The following FBXO8 variants were observed in gnomAD, a reference collection of about 807,000 sequenced individuals.
The protein encoded by FBXO8 is F-box protein 8.
Under a neutral mutation model 33.4 loss-of-function variants are expected in FBXO8, and 15 were observed. That is an observed-to-expected ratio of 0.45 (90% CI 0.30 to 0.69). FBXO8 has a LOEUF of 0.69. Among genes scored for constraint, FBXO8 ranks in the 30% least tolerant of loss-of-function variants. FBXO8 has a pLI of 0.08. For missense variants in FBXO8, 274 were observed against 380.3 expected (o/e 0.72, Z 2.32); for synonymous variants, 132 against 131.5 (o/e 1.00, Z -0.02).
rs192059562 is a variant in FBXO8, at chr4:174,272,521, C to T, written c.-8-9421G>A. 3.3e-5 allele frequency among the ~76,000 whole-genome samples: 5 copies of T among 151,746 alleles called. No individual in the cohort carries two copies. In the East Asian group the frequency reaches 9.7e-4, roughly 30 times the overall value. The stretch of plus-strand genomic sequence containing the variant: ...AATACTGAGGACCAACTGTATAATC[C>T]ATTACATAAAAAAAGAATCTGTGAG... On this transcript the variant is annotated intron_variant, in intron 1 of 5. Coordinates refer to ENST00000393674, the MANE Select transcript of FBXO8 (RefSeq NM_012180.3). This position sits in a 1 kb window ranked among gnomAD's most constrained non-coding sequence, Gnocchi z 4.7.
Position 174,267,562 on chromosome 4 carries a change from T to C in FBXO8, c.-8-4462A>G, listed in dbSNP as rs1261229278. Among the ~76,000 whole-genome samples, 3 of 151,898 alleles carry C rather than the reference T, an allele frequency of 2.0e-5. No homozygotes were observed. Among genetic ancestry groups the C allele is most frequent in the African/African-American group, 7.3e-5 (3 of 41,358 alleles). On this transcript the variant is annotated intron_variant, in intron 1 of 5. Coordinates refer to ENST00000393674, the MANE Select transcript of FBXO8 (RefSeq NM_012180.3). The surrounding 1 kb of genome is among the most constrained non-coding windows in gnomAD (Gnocchi z 4.7). ...ACCTTGCCTCTAAAAAAAATTAAAA[T>C]TAAAAATTAAAAGAAAATAAACTGT...
intron 1 of FBXO8, among the ~76,000 whole-genome samples, chr4:174,279,431 C>T (rs1476268377): frequency 6.6e-6 from 1 of 152,000 alleles, no homozygotes; most frequent in African/African-American, 2.4e-5. Context: ...CAATACCACC[C>T]AAAGTGATCT....
chr4:174,282,077 A>T (rs1737108258), intron 1 of FBXO8, among the ~76,000 whole-genome samples: 1 of 152,218 alleles, frequency 6.6e-6, no homozygotes, highest in African/African-American at 2.4e-5. Context: ...AATCTGAATG[A>T]CTAATTTCAA....
intron 1 of FBXO8, among the ~76,000 whole-genome samples, chr4:174,279,080 G>C (rs1456329660): frequency 1.3e-5 from 2 of 151,736 alleles, no homozygotes; most frequent in East Asian, 3.9e-4. Context: ...AAAAGTAAAA[G>C]ACAACCAAAT....
At position 174,275,112 on chromosome 4, in the gene FBXO8, A is replaced by C. The variant is rs893849867; in HGVS notation, c.-9+8298T>G. 3.9e-5 allele frequency among the ~76,000 whole-genome samples: 6 copies of C among 152,230 alleles called. No homozygotes were observed. Among genetic ancestry groups the C allele is most frequent in the African/African-American group, 1.2e-4 (5 of 41,466 alleles). On this transcript the variant is annotated intron_variant, in intron 1 of 5. Coordinates refer to ENST00000393674, the MANE Select transcript of FBXO8 (RefSeq NM_012180.3). This position sits in a 1 kb window ranked among gnomAD's most constrained non-coding sequence, Gnocchi z 4.4. Reference sequence around the variant, plus strand: ...AAACAATAGTAAACAAAAACCAAACAATCCAATATAAAAATGGGCAAAAGA... The same window carrying C: ...AAACAATAGTAAACAAAAACCAAACCATCCAATATAAAAATGGGCAAAAGA...
At position 174,261,600 on chromosome 4, in the gene FBXO8, ACTC is replaced by A. The variant is rs1464339981; in HGVS notation, c.329+1161_329+1163del. Reference sequence around the variant, plus strand: ...AAAATTAATAACATTTATTTTAAAGACTCCTCATTAACAGAATTTCCTCTCACG... The same window carrying A: ...AAAATTAATAACATTTATTTTAAAGACTCATTAACAGAATTTCCTCTCACG... On this transcript the variant is annotated intron_variant, in intron 2 of 5. Coordinates refer to ENST00000393674, the MANE Select transcript of FBXO8 (RefSeq NM_012180.3). This position sits in a 1 kb window ranked among gnomAD's most constrained non-coding sequence, Gnocchi z 4.1. Among the ~76,000 whole-genome samples, 1 of 151,908 alleles carries A rather than the reference ACTC, an allele frequency of 6.6e-6. No individual in the cohort carries two copies. Among genetic ancestry groups the A allele is most frequent in the Non-Finnish European group, 1.5e-5 (1 of 67,854 alleles).
At chr4:174,249,193 T>C (rs548952000) in intron 3 of FBXO8, among the ~76,000 whole-genome samples, 3 of 152,168 alleles carry the variant, frequency 2.0e-5, no homozygotes, top group South Asian at 4.1e-4. Flanking sequence ...TCCTAAATAA[T>C]AAATTACTAC....
rs1328028192 is a variant in FBXO8, at chr4:174,261,147, CAATA to C, written c.330-1326_330-1323del. Reference sequence around the variant, plus strand: ...TATAAAAAATTGTTTAGAATATTATCAATATTTTTTCAGTCTTATTAATCTAGTC... The same window carrying C: ...TATAAAAAATTGTTTAGAATATTATCTTTTTTCAGTCTTATTAATCTAGTC... On this transcript the variant is annotated intron_variant, in intron 2 of 5. Coordinates refer to ENST00000393674, the MANE Select transcript of FBXO8 (RefSeq NM_012180.3). The surrounding 1 kb of genome is among the most constrained non-coding windows in gnomAD (Gnocchi z 4.1). Among the ~76,000 whole-genome samples, 2 of 151,810 alleles carry C rather than the reference CAATA, an allele frequency of 1.3e-5. No homozygotes were observed. Among genetic ancestry groups the C allele is most frequent in the Non-Finnish European group, 1.5e-5 (1 of 67,802 alleles).
intron 4 of FBXO8, among the ~76,000 whole-genome samples, chr4:174,240,136 C>CA (rs543054382): frequency 0.017 from 825 of 49,320 alleles, 3 homozygotes; most frequent in African/African-American, 0.043. Flanking sequence ...AAAATATTTA[C>CA]AAAAAAAAAA....
chr4:174,273,352 A>G (rs1736883126), intron 1 of FBXO8, among the ~76,000 whole-genome samples: 1 of 135,252 alleles, frequency 7.4e-6, no homozygotes, highest in Non-Finnish European at 1.7e-5. Context: ...AGAAAAGAAA[A>G]AAGGTGGAAG....
In FBXO8 at chr4:174,237,560, G is replaced by A. The variant is rs1262454749; in HGVS notation, c.812C>T (p.Ser271Phe). The A allele has an allele frequency of 1.9e-6, 3 of 1,613,470 alleles. No individual in the cohort carries two copies. The highest frequency in any genetic ancestry group is 1.7e-5 in the Admixed American group (1 of 59,962). Residue 271 changes from serine (S) to phenylalanine (F), a missense_variant, in exon 6 of 6, where the codon TCC (serine) becomes TTC (phenylalanine). Physicochemically the swap from Ser to Phe is radical, Grantham distance 155 (BLOSUM62 -2). Coordinates refer to ENST00000393674, the MANE Select transcript of FBXO8 (RefSeq NM_012180.3). This position sits in a 1 kb window ranked among gnomAD's most constrained non-coding sequence, Gnocchi z 4.4. The stretch of plus-strand genomic sequence containing the variant: ...CACATGAGGGCTAGTGAGGTCAATG[G>A]AAAGTAGAATCAAAGAGTAGCACAG... ...YVLCYSLILL[S>F]IDLTSPHVKN...
rs544093057 is a variant in FBXO8 at position 174,257,004 on chromosome 4, A to T, written c.456+2695T>A. Among the ~76,000 whole-genome samples, 22 of 152,280 alleles carry T rather than the reference A, an allele frequency of 1.4e-4. No homozygotes were observed. The highest frequency in any genetic ancestry group is 5.3e-4 in the African/African-American group (22 of 41,574). ...CTGAAGATCTAAAAATCTTATTTTAATTAATAACTTAAATCCCCTCCCTTA... is the reference window on the plus strand; with the variant it reads ...CTGAAGATCTAAAAATCTTATTTTATTTAATAACTTAAATCCCCTCCCTTA... On this transcript the variant is annotated intron_variant, in intron 3 of 5. Coordinates refer to ENST00000393674, the MANE Select transcript of FBXO8 (RefSeq NM_012180.3). This position sits in a 1 kb window ranked among gnomAD's most constrained non-coding sequence, Gnocchi z 4.3.
rs540229325 is a variant in FBXO8, at chr4:174,263,375, G to A, written c.-8-275C>T. On this transcript the variant is annotated intron_variant, in intron 1 of 5. Transcript: ENST00000393674. The surrounding 1 kb of genome is among the most constrained non-coding windows in gnomAD (Gnocchi z 4.2). ...CATATGTGACATAATCATTTTTCAC[G>A]TGGTAAGATTTAAAAGTTACTGATG... 2.0e-4 allele frequency among the ~76,000 whole-genome samples: 31 copies of A among 152,130 alleles called. No homozygotes were observed. Among genetic ancestry groups the A allele is most frequent in the Admixed American group, 1.2e-3 (18 of 15,274 alleles).
Position 174,264,558 on chromosome 4 carries a change from C to A in FBXO8, c.-8-1458G>T, listed in dbSNP as rs188954153. Reference sequence around the variant, plus strand: ...TGTTGATTAAAACAGAAAAAATAGTCCAGGATAATTTTTAACTCTTCCCCC... The same window carrying A: ...TGTTGATTAAAACAGAAAAAATAGTACAGGATAATTTTTAACTCTTCCCCC... On this transcript the variant is annotated intron_variant, in intron 1 of 5. Transcript: ENST00000393674. Among the ~76,000 whole-genome samples, 3 of 152,048 alleles carry A rather than the reference C, an allele frequency of 2.0e-5. No homozygotes were observed. The East Asian group carries it at 5.8e-4, about 29-fold the overall frequency.
chr4:174,241,251 A>G lies in FBXO8; in HGVS notation c.457-33T>C. The G allele has an allele frequency of 7.8e-7, 1 of 1,290,034 alleles. No homozygotes were observed. The highest frequency in any genetic ancestry group is 1.1e-6 in the Non-Finnish European group (1 of 907,032). The allele number at this position is 1,290,034 out of a possible 1,614,324, so 79.9% of individuals were successfully genotyped here. On this transcript the variant is annotated intron_variant, in intron 3 of 5. Transcript: ENST00000393674. The surrounding 1 kb of genome is among the most constrained non-coding windows in gnomAD (Gnocchi z 4.2). ...AGAAAGACAAGTCTACATAAATAAAATTGCTCTTTATTTATGCATTTTAAC... is the reference window on the plus strand; with the variant it reads ...AGAAAGACAAGTCTACATAAATAAAGTTGCTCTTTATTTATGCATTTTAAC...
chr4:174,258,969 C>A (rs1208565380), intron 3 of FBXO8, among the ~76,000 whole-genome samples: 1 of 151,688 alleles, frequency 6.6e-6, no homozygotes, highest in Non-Finnish European at 1.5e-5. Flanking sequence ...AAATAATGCA[C>A]CCAAAAGTAG....
chr4:174,263,240 T>C lies in FBXO8; in HGVS notation c.-8-140A>G. 4.0e-6 allele frequency: 3 copies of C among 754,510 alleles called. No individual in the cohort carries two copies. The highest frequency in any genetic ancestry group is 2.7e-5 in the East Asian group (1 of 36,754). The allele number at this position is 754,510 out of a possible 1,614,324, so 46.7% of individuals were successfully genotyped here. A position where few individuals can be genotyped will look rare whatever the true frequency, so the allele number is the denominator to read the frequency against. The stretch of plus-strand genomic sequence containing the variant: ...AAAACCTACTAAAACCAGAAGTATA[T>C]TACTAAGAATAGCTGGAAAATTATA... On this transcript the variant is annotated intron_variant, in intron 1 of 5. Transcript: ENST00000393674. The surrounding 1 kb of genome is among the most constrained non-coding windows in gnomAD (Gnocchi z 4.2).
intron 2 of FBXO8, among the ~76,000 whole-genome samples, chr4:174,260,594 A>G (rs766796731): frequency 2.0e-5 from 3 of 152,010 alleles, no homozygotes; most frequent in Non-Finnish European, 4.4e-5. Flanking sequence ...TAGAAATTCT[A>G]TAAAACCGAA....
At chr4:174,268,596 C>T (rs764670539) in intron 1 of FBXO8, among the ~76,000 whole-genome samples, 9 of 70,272 alleles carry the variant, frequency 1.3e-4, no homozygotes, top group South Asian at 5.6e-4. Context: ...CTACCACGCC[C>T]GGCTAATTTT....
Sources: allele counts gnomAD v4.1 joint callset (sites outside exome capture counted in the v4.1 genomes callset), GRCh38; gene constraint gnomAD v4.1.1; non-coding constraint Gnocchi (gnomAD v3.1); transcripts MANE v1.5; gene names NCBI Gene and HGNC (gene_info 2026-07-23, HGNC 2026-07-21).